Variants in KCNIP1 observed in about 807,000 individuals in gnomAD.
KCNIP1 encodes the protein A-type potassium channel modulatory protein KCNIP1.
A neutral mutation model predicts 33.0 loss-of-function variants in KCNIP1; 18 were observed. The observed-to-expected ratio is 0.55, with a 90% CI of 0.38 to 0.81. The LOEUF is 0.81. KCNIP1 is among the 30% of genes least tolerant of loss of function. The pLI, the probability that KCNIP1 is intolerant of heterozygous loss-of-function variation, is 0.00. For missense variants in KCNIP1, 238 were observed against 271.6 expected, an observed-to-expected ratio of 0.88 and a Z score of 0.87; for synonymous variants, 93 against 98.3, an observed-to-expected ratio of 0.95 and a Z score of 0.32.
At chr5:170,458,086 G>A (rs142352949) in intron 1 of KCNIP1, among the ~76,000 whole-genome samples, 2,112 of 152,272 alleles carry the variant, frequency 0.014, 60 homozygotes, top group Admixed American at 0.08. Flanking sequence ...TGAACACGCT[G>A]AAGAAAGAAC....
intron 1 of KCNIP1, among the ~76,000 whole-genome samples, chr5:170,497,097 T>C (rs1309299347): frequency 6.6e-6 from 1 of 152,126 alleles, no homozygotes; most frequent in Admixed American, 6.5e-5. Context: ...CATCAACCTC[T>C]GCAGAGAGCC....
At chr5:170,506,716 T>A (rs1343389819) in intron 1 of KCNIP1, among the ~76,000 whole-genome samples, 1 of 152,168 alleles carries the variant, frequency 6.6e-6, no homozygotes, top group Non-Finnish European at 1.5e-5. Flanking sequence ...CTCACAACAA[T>A]GTTCGTTTGA....
chr5:170,446,684 C>G (rs1756124733), intron 1 of KCNIP1, among the ~76,000 whole-genome samples: 1 of 152,138 alleles, frequency 6.6e-6, no homozygotes, highest in African/African-American at 2.4e-5. Context: ...TCAAGCAATC[C>G]TCCTGCCTCG....
intron 1 of KCNIP1, among the ~76,000 whole-genome samples, chr5:170,607,550 G>A (rs1758974840): frequency 6.6e-6 from 1 of 152,162 alleles, no homozygotes; most frequent in South Asian, 2.1e-4. Flanking sequence ...AGCAGTGAGT[G>A]ACAGAGCCTG....
chr5:170,405,879 A>G (rs1755026909), intron 1 of KCNIP1, among the ~76,000 whole-genome samples: 1 of 152,154 alleles, frequency 6.6e-6, no homozygotes, highest in South Asian at 2.1e-4. Context: ...CCCCTGCTCA[A>G]TCATGTTTCC....
chr5:170,502,808 A>G (rs1468695385), upstream of KCNIP1, among the ~76,000 whole-genome samples: 1 of 152,094 alleles, frequency 6.6e-6, no homozygotes, highest in Non-Finnish European at 1.5e-5. Flanking sequence ...GTCAATCAAA[A>G]TGGGTCTCAG....
At chr5:170,585,355 G>A (rs1051079340) in intron 1 of KCNIP1, among the ~76,000 whole-genome samples, 10 of 152,022 alleles carry the variant, frequency 6.6e-5, no homozygotes, top group African/African-American at 1.9e-4. Context: ...GGGATGAGCC[G>A]GGACTTGAAC....
chr5:170,584,099 G>C (rs1170434807), intron 1 of KCNIP1, among the ~76,000 whole-genome samples: 1 of 152,198 alleles, frequency 6.6e-6, no homozygotes, highest in Non-Finnish European at 1.5e-5. Context: ...CTAAATTAAT[G>C]AGTAGAGGCT....
At chr5:170,390,517 A>AAAAAAAAAAAAAAAAAAAT in intron 1 of KCNIP1, among the ~76,000 whole-genome samples, 4 of 74,542 alleles carry the variant, frequency 5.4e-5, no homozygotes, top group African/African-American at 2.6e-4. Context: ...AAAAAAAACA[A>AAAAAAAAAAAAAAAAAAAT]ATATATATAT....
chr5:170,486,057 T>C (rs1757088096), intron 1 of KCNIP1: 1 of 152,420 alleles, frequency 6.6e-6, no homozygotes, highest in Non-Finnish European at 1.5e-5. Flanking sequence ...TCTTCTTCTT[T>C]TTGCTTCATT....
intron 1 of KCNIP1, among the ~76,000 whole-genome samples, chr5:170,388,909 T>C (rs1397536910): frequency 6.6e-6 from 1 of 152,116 alleles, no homozygotes; most frequent in East Asian, 1.9e-4. Flanking sequence ...ACCCTGAAAG[T>C]TTGGAGCAGA....
chr5:170,722,606 G>T lies in KCNIP1; in HGVS notation c.328-107G>T, dbSNP rs750869470. ...ACATCCTCCAGGCAGACAAGAGGAC[G>T]CAGGAGGCACCATTCTGTGAGAGTA... is the stretch of plus-strand genomic sequence containing the variant. On this transcript the variant is annotated intron_variant, in intron 4 of 7. Coordinates refer to ENST00000328939, the MANE Select transcript of KCNIP1 (RefSeq NM_014592.4). 3.9e-6 allele frequency: 3 copies of T among 772,364 alleles called. No homozygotes were observed. In the Admixed American group the frequency reaches 6.0e-5, roughly 15 times the overall value. The allele number at this position is 772,364 out of a possible 1,614,324, so 47.8% of individuals were successfully genotyped here. A position where few individuals can be genotyped will look rare whatever the true frequency, so the allele number is the denominator to read the frequency against.
At position 170,504,395 on chromosome 5, in the gene KCNIP1, G is replaced by A; in HGVS notation, c.-178G>A. 1 of 1,440,748 alleles carries A rather than the reference G, an allele frequency of 6.9e-7. No individual in the cohort carries two copies. The highest frequency in any genetic ancestry group is 9.1e-7 in the Non-Finnish European group (1 of 1,103,144). The allele number at this position is 1,440,748 out of a possible 1,614,324, so 89.2% of individuals were successfully genotyped here. ...GAGTCCCTGCATGTGCGGGGCTGAAGAAGGAAGCCAGAAGCCTCCTAGCCT... is the reference window on the plus strand; with the variant it reads ...GAGTCCCTGCATGTGCGGGGCTGAAAAAGGAAGCCAGAAGCCTCCTAGCCT... On this transcript the variant is annotated 5_prime_UTR_variant, in exon 1 of 8. Coordinates refer to ENST00000328939, the MANE Select transcript of KCNIP1 (RefSeq NM_014592.4). This position sits in a 1 kb window ranked among gnomAD's most constrained non-coding sequence, Gnocchi z 6.0.
At chr5:170,610,715 C>A (rs920553359) in intron 1 of KCNIP1, among the ~76,000 whole-genome samples, 1 of 152,152 alleles carries the variant, frequency 6.6e-6, no homozygotes, top group African/African-American at 2.4e-5. Context: ...ATTCAATGGG[C>A]TAACAGACCG....
chr5:170,385,411 C>G (rs776969311), intron 1 of KCNIP1: 1 of 1,613,990 alleles, frequency 6.2e-7, no homozygotes, highest in African/African-American at 1.3e-5. Context: ...GCTCGTGTCT[C>G]TCCCCGCTTC....
chr5:170,656,940 C>G (rs1183749477), intron 1 of KCNIP1, among the ~76,000 whole-genome samples: 1 of 152,072 alleles, frequency 6.6e-6, no homozygotes, highest in Non-Finnish European at 1.5e-5. Context: ...TCTGGCTGAC[C>G]ATGTGCACAG....
chr5:170,400,659 C>T (rs1172588372), intron 1 of KCNIP1, among the ~76,000 whole-genome samples: 1 of 152,200 alleles, frequency 6.6e-6, no homozygotes, highest in East Asian at 1.9e-4. Context: ...TTGATCCTGA[C>T]CCTTTGAAGT....
intron 1 of KCNIP1, among the ~76,000 whole-genome samples, chr5:170,623,138 T>C (rs1457273921): frequency 6.6e-6 from 1 of 152,094 alleles, no homozygotes; most frequent in Non-Finnish European, 1.5e-5. Flanking sequence ...GCTCGCCAGC[T>C]CACCTGCTGT....
At chr5:170,353,777 G>T in exon 1 of KCNIP1, 1 of 1,041,062 alleles carries the variant, frequency 9.6e-7, no homozygotes, top group Non-Finnish European at 1.5e-6. Flanking sequence ...CCGTCACTCA[G>T]GGTTCATTCA....
Sources: allele counts gnomAD v4.1 joint callset (sites outside exome capture counted in the v4.1 genomes callset), GRCh38; gene constraint gnomAD v4.1.1; non-coding constraint Gnocchi (gnomAD v3.1); transcripts MANE v1.5; gene names NCBI Gene and HGNC (gene_info 2026-07-23, HGNC 2026-07-21).